TASP1: variants seen among roughly 807,000 people sequenced by gnomAD.
TASP1 encodes the protein taspase 1.
In TASP1, 16 loss-of-function variants were observed where a neutral mutation model predicts 56.6. The ratio of observed to expected loss-of-function variants is 0.28; its 90% confidence interval spans 0.19 to 0.43. TASP1 has a LOEUF of 0.43. Among genes scored for constraint, TASP1 ranks in the 20% least tolerant of loss-of-function variants. The pLI is 1.00. For missense variants in TASP1, 393 were observed against 511.6 expected, an observed-to-expected ratio of 0.77 and a Z score of 2.24; for synonymous variants, 179 against 184.2, an observed-to-expected ratio of 0.97 and a Z score of 0.23.
chr20:13,323,535 G>A, the TASP1 span, among the ~76,000 whole-genome samples: 1 of 152,166 alleles, frequency 6.6e-6, no homozygotes, highest in African/African-American at 2.4e-5. Flanking sequence ...GCTTCAGTAT[G>A]ATACTATTCA....
chr20:13,603,481 G>C, intron 4 of TASP1, among the ~76,000 whole-genome samples: 1 of 152,142 alleles, frequency 6.6e-6, no homozygotes, highest in African/African-American at 2.4e-5. Context: ...GGTGGAGGCT[G>C]CAGTGAGCCA....
At chr20:13,638,367 C>A (rs946081334) in intron 1 of TASP1, among the ~76,000 whole-genome samples, 1 of 151,958 alleles carries the variant, frequency 6.6e-6, no homozygotes, top group Non-Finnish European at 1.5e-5. Context: ...TGCTTTCCCC[C>A]CCTCCTCTCC....
intron 11 of TASP1, among the ~76,000 whole-genome samples, chr20:13,442,314 A>C (rs1346096671): frequency 6.6e-6 from 1 of 150,506 alleles, no homozygotes; most frequent in African/African-American, 2.5e-5. Flanking sequence ...ACACACACAC[A>C]CCACACACAT....
chr20:13,282,628 G>T, the TASP1 span, among the ~76,000 whole-genome samples: 2 of 152,170 alleles, frequency 1.3e-5, no homozygotes, highest in Non-Finnish European at 2.9e-5. Flanking sequence ...CCATGGAGAA[G>T]CTCCATCCTG....
chr20:13,181,489 C>T, the TASP1 span, among the ~76,000 whole-genome samples: 2,201 of 152,234 alleles, frequency 0.014, 23 homozygotes, highest in South Asian at 0.026. Flanking sequence ...ATCTTGAGGT[C>T]TATGGTCTTA....
chr20:13,108,290 T>A, the TASP1 span, among the ~76,000 whole-genome samples: 6 of 152,234 alleles, frequency 3.9e-5, no homozygotes, highest in African/African-American at 1.4e-4. Flanking sequence ...TATTCACAAC[T>A]CTATTTCAAA....
At chr20:13,498,197 A>C (rs1184465785) in intron 10 of TASP1, among the ~76,000 whole-genome samples, 1 of 152,214 alleles carries the variant, frequency 6.6e-6, no homozygotes, top group East Asian at 1.9e-4. Flanking sequence ...CAATGGGAGA[A>C]AATATTTGCA....
At chr20:13,290,429 C>G in the TASP1 span, among the ~76,000 whole-genome samples, 2 of 152,206 alleles carry the variant, frequency 1.3e-5, no homozygotes, top group African/African-American at 4.8e-5. Flanking sequence ...GCGGGCAGAT[C>G]ACAAGGTCAG....
the TASP1 span, chr20:13,292,507 T>C: frequency 8.1e-7 from 1 of 1,234,306 alleles, no homozygotes; most frequent in Non-Finnish European, 1.2e-6. Context: ...ACTTAGTGCC[T>C]CGGAGATTCC....
the TASP1 span, among the ~76,000 whole-genome samples, chr20:13,179,080 A>G: frequency 6.6e-6 from 1 of 152,190 alleles, no homozygotes; most frequent in Non-Finnish European, 1.5e-5. Context: ...AAAATTAAAA[A>G]CAAGGAAACT....
At chr20:13,579,165 C>T (rs2047028562) in intron 6 of TASP1, among the ~76,000 whole-genome samples, 1 of 152,162 alleles carries the variant, frequency 6.6e-6, no homozygotes, top group African/African-American at 2.4e-5. Context: ...GGTGAAAGAA[C>T]ACAGTCATGT....
chr20:13,621,765 G>A (rs887223725), intron 4 of TASP1, among the ~76,000 whole-genome samples: 1 of 152,130 alleles, frequency 6.6e-6, no homozygotes, highest in African/African-American at 2.4e-5. Context: ...GTATGACTTA[G>A]GAAAATTAAA....
At chr20:13,352,133 T>C in the TASP1 span, among the ~76,000 whole-genome samples, 34 of 152,172 alleles carry the variant, frequency 2.2e-4, no homozygotes, top group African/African-American at 8.0e-4. Context: ...AAAAATTCAT[T>C]ACATGTATGC....
At chr20:13,126,504 G>A in the TASP1 span, 1 of 1,463,288 alleles carries the variant, frequency 6.8e-7, no homozygotes, top group Non-Finnish European at 9.2e-7. Context: ...CTTTTGCTAT[G>A]AGGATAGGGA....
At chr20:13,152,320 G>A in the TASP1 span, among the ~76,000 whole-genome samples, 5,843 of 152,194 alleles carry the variant, frequency 0.038, 163 homozygotes, top group African/African-American at 0.08. Flanking sequence ...AATTATTGTC[G>A]TTATTACTAT....
intron 11 of TASP1, among the ~76,000 whole-genome samples, chr20:13,453,442 T>C (rs959572998): frequency 4.0e-5 from 6 of 150,356 alleles, no homozygotes; most frequent in Non-Finnish European, 7.5e-5. Context: ...AATTCCAATA[T>C]GATTTTTAGG....
At chr20:13,111,209 G>A in the TASP1 span, among the ~76,000 whole-genome samples, 1 of 152,172 alleles carries the variant, frequency 6.6e-6, no homozygotes, top group African/African-American at 2.4e-5. Context: ...TGTGGGAAAT[G>A]CAAAGTTTGC....
the TASP1 span, among the ~76,000 whole-genome samples, chr20:13,301,551 T>C: frequency 1.3e-5 from 2 of 152,194 alleles, no homozygotes; most frequent in Non-Finnish European, 2.9e-5. Flanking sequence ...AGAATATTTA[T>C]ATTTAAGATC....
the TASP1 span, among the ~76,000 whole-genome samples, chr20:13,280,059 A>C: frequency 2.0e-5 from 3 of 152,192 alleles, no homozygotes; most frequent in African/African-American, 7.2e-5. Context: ...CAAAGGAGGC[A>C]CCAGCAGCCA....
Sources: allele counts gnomAD v4.1 joint callset (sites outside exome capture counted in the v4.1 genomes callset), GRCh38; gene constraint gnomAD v4.1.1; transcripts MANE v1.5; gene names NCBI Gene and HGNC (gene_info 2026-07-23, HGNC 2026-07-21).